GUCY1A2: variants seen among roughly 807,000 people sequenced by gnomAD.
GUCY1A2 encodes guanylate cyclase 1 soluble subunit alpha 2, also known as guanylate cyclase soluble subunit alpha-2.
Under a neutral mutation model 63.5 loss-of-function variants are expected in GUCY1A2, and 27 were observed. That is an observed-to-expected ratio of 0.43 (90% CI 0.31 to 0.59). GUCY1A2 has a LOEUF of 0.59. Among genes scored for constraint, GUCY1A2 ranks in the 20% least tolerant of loss-of-function variants. GUCY1A2 has a pLI of 0.11. For missense variants in GUCY1A2, 768 were observed against 913.3 expected (o/e 0.84, Z 2.05); for synonymous variants, 364 against 343.5 (o/e 1.06, Z -0.66).
chr11:106,778,201 G>A (rs1234871006), intron 5 of GUCY1A2, among the ~76,000 whole-genome samples: 1 of 152,144 alleles, frequency 6.6e-6, no homozygotes, highest in Non-Finnish European at 1.5e-5. Flanking sequence ...TTAGGCTGAA[G>A]TGATGAAAAA....
chr11:106,986,140 T>A lies in GUCY1A2; in HGVS notation c.304-9A>T. Reference sequence around the variant, plus strand: ...TGCTGTATCGTCTGAGGCTACAGAATAATAATAATAATAAAAACATATTAT... The same window carrying A: ...TGCTGTATCGTCTGAGGCTACAGAAAAATAATAATAATAAAAACATATTAT... On this transcript the variant is annotated splice_polypyrimidine_tract_variant and intron_variant, in intron 1 of 7. Coordinates refer to ENST00000526355, the MANE Select transcript of GUCY1A2 (RefSeq NM_000855.3). 8.0e-7 allele frequency: 1 copy of A among 1,244,690 alleles called. No individual in the cohort carries two copies. Among genetic ancestry groups the A allele is most frequent in the Non-Finnish European group, 1.2e-6 (1 of 851,268 alleles). The allele number at this position is 1,244,690 out of a possible 1,614,324, so 77.1% of individuals were successfully genotyped here. A position where few individuals can be genotyped will look rare whatever the true frequency, so the allele number is the denominator to read the frequency against.
chr11:106,836,060 T>C (rs1337903493), intron 4 of GUCY1A2, among the ~76,000 whole-genome samples: 2 of 151,912 alleles, frequency 1.3e-5, no homozygotes, highest in African/African-American at 4.8e-5. Flanking sequence ...TAAGAAACAA[T>C]TATGTAAATG....
intron 4 of GUCY1A2, chr11:106,824,671 A>G: frequency 1.2e-6 from 1 of 857,504 alleles, no homozygotes; most frequent in Non-Finnish European, 1.7e-6. Flanking sequence ...ATTTGTAGAT[A>G]AAAAACTAGA....
Position 106,776,455 on chromosome 11 carries a change from T to C in GUCY1A2, c.1820A>G (p.Asp607Gly). The C allele has an allele frequency of 6.2e-7, 1 of 1,613,738 alleles. No individual in the cohort carries two copies. Among genetic ancestry groups the C allele is most frequent in the South Asian group, 1.1e-5 (1 of 91,056 alleles). Reference sequence around the variant, plus strand: ...GAGGGTTACCTGAATCGGTCTTCCATCAGGTGTCAGCACCTCTTCTGAAAG... The same window carrying C: ...GAGGGTTACCTGAATCGGTCTTCCACCAGGTGTCAGCACCTCTTCTGAAAG... ...MELSEEVLTPDGRPIQMRIGI... is the reference protein window; with the variant it reads ...MELSEEVLTPGGRPIQMRIGI... Residue 607 changes from aspartate to glycine, a missense_variant, in exon 6 of 8, where the codon GAT (aspartate) becomes GGT (glycine). Asp to Gly is a moderately conservative substitution (Grantham distance 94). Coordinates refer to ENST00000526355, the MANE Select transcript of GUCY1A2 (RefSeq NM_000855.3).
intron 4 of GUCY1A2, among the ~76,000 whole-genome samples, chr11:106,892,344 TCTGGGC>T (rs1230646495): frequency 6.6e-6 from 1 of 152,148 alleles, no homozygotes; most frequent in African/African-American, 2.4e-5. Flanking sequence ...TCTCTCATAT[TCTGGGC>T]CTGTAATATA....
At chr11:106,926,718 C>T (rs923004548) in intron 4 of GUCY1A2, among the ~76,000 whole-genome samples, 4 of 151,740 alleles carry the variant, frequency 2.6e-5, no homozygotes, top group Non-Finnish European at 5.9e-5. Flanking sequence ...AACCGAGTAT[C>T]GGCAGTGCCC....
At chr11:106,785,935 C>A (rs1397332219) in intron 5 of GUCY1A2, among the ~76,000 whole-genome samples, 1 of 151,224 alleles carries the variant, frequency 6.6e-6, no homozygotes, top group African/African-American at 2.4e-5. Flanking sequence ...TCTAACCTGA[C>A]CCCAGCTATT....
chr11:106,836,084 A>G (rs138621416), intron 4 of GUCY1A2, among the ~76,000 whole-genome samples: 1,963 of 152,078 alleles, frequency 0.013, 28 homozygotes, highest in South Asian at 0.049. Flanking sequence ...AGTTTTATAA[A>G]CCATATAGAG....
At chr11:106,995,367 G>A (rs1192435441) in intron 1 of GUCY1A2, among the ~76,000 whole-genome samples, 1 of 152,188 alleles carries the variant, frequency 6.6e-6, no homozygotes, top group East Asian at 1.9e-4. Flanking sequence ...AAGTCACTTA[G>A]GTAGTAAGTG....
chr11:106,789,944 G>C (rs1334305706), intron 5 of GUCY1A2, among the ~76,000 whole-genome samples: 1 of 152,100 alleles, frequency 6.6e-6, no homozygotes, highest in East Asian at 1.9e-4. Flanking sequence ...GACAGTGCTG[G>C]GTCAGACCTA....
chr11:106,994,875 A>T (rs1861515262), intron 1 of GUCY1A2, among the ~76,000 whole-genome samples: 1 of 152,222 alleles, frequency 6.6e-6, no homozygotes, highest in South Asian at 2.1e-4. Context: ...CCAAAATTGT[A>T]AACAGTGTCA....
intron 4 of GUCY1A2, among the ~76,000 whole-genome samples, chr11:106,905,197 T>C (rs1860187436): frequency 1.3e-5 from 2 of 152,064 alleles, no homozygotes; most frequent in African/African-American, 4.8e-5. Context: ...AGAACAAAAA[T>C]AGACTGTTAT....
At chr11:106,827,311 G>T in intron 4 of GUCY1A2, 1 of 1,553,144 alleles carries the variant, frequency 6.4e-7, no homozygotes, top group East Asian at 2.2e-5. Context: ...AATGAGCTTT[G>T]AAGTCAAGAA....
At chr11:106,998,935 G>A (rs986924188) in intron 1 of GUCY1A2, among the ~76,000 whole-genome samples, 41 of 151,858 alleles carry the variant, frequency 2.7e-4, no homozygotes, top group Admixed American at 5.3e-4. Flanking sequence ...ATAATTTACC[G>A]TCGCAAAGGA....
rs1391229105 is a variant in GUCY1A2, at chr11:106,898,950, G to C, written c.1206+40510C>G. On this transcript the variant is annotated intron_variant, in intron 4 of 7. Transcript: ENST00000526355. The stretch of plus-strand genomic sequence containing the variant: ...AATAGAAGGCTATGCCTGTTGAAGA[G>C]ACAGAAGGTATATGGGACATCTCTG... Among the ~76,000 whole-genome samples, 5 of 152,256 alleles carry C rather than the reference G, an allele frequency of 3.3e-5. No homozygotes were observed. In the East Asian group the frequency reaches 9.6e-4, roughly 29 times the overall value.
In GUCY1A2 at chr11:106,826,628, C is replaced by A. The variant is rs1318851980; in HGVS notation, c.1207-16150G>T. ...CCTAAGCCCTGTGCATTGTATTTTCCCAGCAGTACAACCTTATAGTTAAAA... is the reference window on the plus strand; with the variant it reads ...CCTAAGCCCTGTGCATTGTATTTTCACAGCAGTACAACCTTATAGTTAAAA... On this transcript the variant is annotated intron_variant, in intron 4 of 7. Transcript: ENST00000526355. 1.9e-6 allele frequency: 3 copies of A among 1,605,232 alleles called. No homozygotes were observed. The East Asian group carries it at 6.7e-5, about 36-fold the overall frequency.
intron 4 of GUCY1A2, among the ~76,000 whole-genome samples, chr11:106,813,735 C>T (rs1409173836): frequency 6.6e-6 from 1 of 152,054 alleles, no homozygotes; most frequent in Non-Finnish European, 1.5e-5. Context: ...AGTTCCCTAT[C>T]CTTTCAAAGC....
In GUCY1A2 at chr11:106,865,119, T is replaced by C. The variant is rs185280051; in HGVS notation, c.1207-54641A>G. On this transcript the variant is annotated intron_variant, in intron 4 of 7. Transcript: ENST00000526355. ...GGGATTTGACTTCTTCTTGGTTTAG[T>C]CTTAGGAGGGTGTATGTGTCCAGGA... is the stretch of plus-strand genomic sequence containing the variant. Among the ~76,000 whole-genome samples the C allele has an allele frequency of 1.7e-3, 255 of 152,080 alleles. 2 individuals are homozygous for C. The highest frequency in any genetic ancestry group is 0.014 in the Admixed American group (211 of 15,264).
Position 106,786,216 on chromosome 11 carries a change from T to C in GUCY1A2, c.1693-9634A>G, listed in dbSNP as rs566521715. Among the ~76,000 whole-genome samples, 210 of 152,314 alleles carry C rather than the reference T, an allele frequency of 1.4e-3. 1 individual carries two copies. Among genetic ancestry groups the C allele is most frequent in the African/African-American group, 4.8e-3 (198 of 41,584 alleles). ...AGGTTTAAGGATTTACTGACAAGGC[T>C]ACAAACAAAAACAAAAACAAAACAA... On this transcript the variant is annotated intron_variant, in intron 5 of 7. Coordinates refer to ENST00000526355, the MANE Select transcript of GUCY1A2 (RefSeq NM_000855.3).
Sources: allele counts gnomAD v4.1 joint callset (sites outside exome capture counted in the v4.1 genomes callset), GRCh38; gene constraint gnomAD v4.1.1; transcripts MANE v1.5; gene names NCBI Gene and HGNC (gene_info 2026-07-23, HGNC 2026-07-21).